The following CIMAP3 variants were observed in gnomAD, a reference collection of about 807,000 sequenced individuals.
CIMAP3 encodes the protein ciliary microtubule associated protein 3.
chr1:111,332,542 G>A, the CIMAP3 span, among the ~76,000 whole-genome samples: 1 of 152,148 alleles, frequency 6.6e-6, no homozygotes, highest in Non-Finnish European at 1.5e-5. Context: ...TGAGACGTAG[G>A]CACAGGACTG....
At chr1:111,343,917 GC>G in the CIMAP3 span, among the ~76,000 whole-genome samples, 1 of 152,014 alleles carries the variant, frequency 6.6e-6, no homozygotes, top group Admixed American at 6.5e-5. Context: ...TCAAGCATTT[GC>G]TTTATGTTAT....
At chr1:111,337,936 ATAG>A in the CIMAP3 span, among the ~76,000 whole-genome samples, 1 of 150,238 alleles carries the variant, frequency 6.7e-6, no homozygotes, top group African/African-American at 2.5e-5. Flanking sequence ...AATTGACCAC[ATAG>A]TTGGAAGTAA....
chr1:111,324,841 A>G, the CIMAP3 span: 1 of 985,418 alleles, frequency 1.0e-6, no homozygotes. Context: ...GAGAGGCAAC[A>G]AAACCATATC....
chr1:111,333,780 A>T, the CIMAP3 span, among the ~76,000 whole-genome samples: 4 of 151,912 alleles, frequency 2.6e-5, no homozygotes, highest in Non-Finnish European at 4.4e-5. Flanking sequence ...GTCAAATCTT[A>T]GCTGTTTATT....
At chr1:111,327,256 T>C in the CIMAP3 span, among the ~76,000 whole-genome samples, 1 of 152,112 alleles carries the variant, frequency 6.6e-6, no homozygotes, top group African/African-American at 2.4e-5. Context: ...CTTATGTTGA[T>C]TTTTTTATAT....
At chr1:111,340,150 T>G in the CIMAP3 span, among the ~76,000 whole-genome samples, 425 of 151,000 alleles carry the variant, frequency 2.8e-3, 2 homozygotes, top group African/African-American at 9.7e-3. Flanking sequence ...ACTGGCTAGC[T>G]GTATGTAAAA....
chr1:111,345,517 C>T, the CIMAP3 span, among the ~76,000 whole-genome samples: 1 of 152,236 alleles, frequency 6.6e-6, no homozygotes, highest in African/African-American at 2.4e-5. Flanking sequence ...CCAGGAACAA[C>T]ACCCCAACAA....
chr1:111,339,103 C>A, the CIMAP3 span, among the ~76,000 whole-genome samples: 14 of 151,828 alleles, frequency 9.2e-5, no homozygotes, highest in Non-Finnish European at 1.9e-4. Context: ...AAGACAAAAA[C>A]CACATGATTA....
At chr1:111,348,817 G>A in the CIMAP3 span, 5 of 694,276 alleles carry the variant, frequency 7.2e-6, no homozygotes, top group Non-Finnish European at 9.0e-6. Flanking sequence ...ATTGTAGAAT[G>A]TAGAATCATA....
chr1:111,348,632 C>G, the CIMAP3 span: 1 of 1,597,994 alleles, frequency 6.3e-7, no homozygotes, highest in Non-Finnish European at 8.5e-7. Flanking sequence ...ACCCAAAGGA[C>G]ACTTACTATC....
chr1:111,325,922 A>C, the CIMAP3 span, among the ~76,000 whole-genome samples: 2 of 152,342 alleles, frequency 1.3e-5, no homozygotes, highest in African/African-American at 4.8e-5. Context: ...TTCTGATAGC[A>C]GAAAAAGGTA....
At chr1:111,347,712 C>T in the CIMAP3 span, 2 of 1,612,638 alleles carry the variant, frequency 1.2e-6, no homozygotes, top group Non-Finnish European at 1.7e-6. Context: ...AGATCCCAAC[C>T]AGTATAAAAG....
chr1:111,348,272 T>G, the CIMAP3 span: 275 of 309,466 alleles, frequency 8.9e-4, 2 homozygotes, highest in African/African-American at 4.0e-3. Context: ...ATAAGTTGCC[T>G]TGGTTCTCTA....
At chr1:111,329,542 T>C in the CIMAP3 span, among the ~76,000 whole-genome samples, 6 of 98,400 alleles carry the variant, frequency 6.1e-5, no homozygotes, top group Non-Finnish European at 1.3e-4. Context: ...TATATATATA[T>C]ATATATATAT....
At chr1:111,347,553 T>A in the CIMAP3 span, 1 of 633,830 alleles carries the variant, frequency 1.6e-6, no homozygotes, top group Non-Finnish European at 2.8e-6. Flanking sequence ...AAGGTTCAGA[T>A]GGGAACACAC....
chr1:111,332,301 C>A, the CIMAP3 span, among the ~76,000 whole-genome samples: 6 of 152,148 alleles, frequency 3.9e-5, no homozygotes, highest in African/African-American at 1.4e-4. Context: ...TGTCTGGGAC[C>A]CAGCTCTATG....
the CIMAP3 span, chr1:111,347,618 CTTTCTTTT>C: frequency 2.2e-6 from 2 of 928,426 alleles, no homozygotes; most frequent in South Asian, 1.9e-5. Flanking sequence ...GTTGTTTTTT[CTTTCTTTT>C]TTTTTTTTTT....
chr1:111,339,944 G>A, the CIMAP3 span, among the ~76,000 whole-genome samples: 4 of 151,818 alleles, frequency 2.6e-5, no homozygotes, highest in Middle Eastern at 3.4e-3. Flanking sequence ...CACAGTACCT[G>A]ACTTCAAACT....
the CIMAP3 span, chr1:111,349,986 T>C: frequency 1.5e-6 from 1 of 687,320 alleles, no homozygotes; most frequent in Non-Finnish European, 2.5e-6. Flanking sequence ...ATTAAAAAGC[T>C]AATCAATCTG....
Sources: gnomAD v4.1 joint callset for allele counts (sites outside exome capture counted in the v4.1 genomes callset) on GRCh38, gnomAD v4.1.1 for gene constraint, MANE v1.5 for transcripts, NCBI Gene and HGNC (gene_info 2026-07-23, HGNC 2026-07-21) for gene names.